Variants in ANTXR2 observed in about 807,000 individuals in gnomAD.
ANTXR2 encodes the protein anthrax toxin receptor 2.
A neutral mutation model predicts 73.7 loss-of-function variants in ANTXR2; 44 were observed. The observed-to-expected ratio is 0.60, with a 90% confidence interval of 0.47 to 0.77. The LOEUF (loss-of-function observed/expected upper bound fraction) is 0.77. Among genes scored for constraint, ANTXR2 ranks in the 30% least tolerant of loss-of-function variants. The pLI is 0.00. For synonymous variants in ANTXR2, 217 were observed against 205.9 expected, an observed-to-expected ratio of 1.05 and a Z score of -0.46; for missense variants, 604 against 592.5, an observed-to-expected ratio of 1.02 and a Z score of -0.20.
chr4:80,018,758 C>A, intron 11 of ANTXR2, 140 bp downstream of exon 11: 1 of 683,792 alleles, frequency 1.5e-6, no homozygotes, highest in South Asian at 2.4e-5. Flanking sequence ...GAATTCTATA[C>A]AAAATTTTTC....
chr4:80,027,294 A>C (rs1732489013), intron 10 of ANTXR2, among the ~76,000 whole-genome samples: 1 of 152,176 alleles, frequency 6.6e-6, no homozygotes. Flanking sequence ...GAATTTATCT[A>C]ATCAAGAAAG....
chr4:79,929,499 G>A (rs1194537066), intron 16 of ANTXR2, among the ~76,000 whole-genome samples: 4 of 152,122 alleles, frequency 2.6e-5, no homozygotes, highest in East Asian at 1.9e-4. Flanking sequence ...GCAACAGAGC[G>A]AGACTCAGTA....
rs781341790 is a variant in ANTXR2 at position 80,033,516 on chromosome 4, C to G, written c.752G>C (p.Gly251Ala). Residue 251 changes from glycine (G) to alanine (A), a missense_variant, in exon 9 of 17, where the codon GGC becomes GCC. By Grantham distance (60) the Gly-to-Ala change is moderately conservative. Coordinates refer to ENST00000403729, the MANE Select transcript of ANTXR2 (RefSeq NM_058172.6). ...GRGFMLGSRN[G>A]SVLCTYTVNE... ...TACAGTGTAAGTGCAGAGAACACTGCCATTCCGACTGCCCAGCATGAATCC... is the reference window on the plus strand; with the variant it reads ...TACAGTGTAAGTGCAGAGAACACTGGCATTCCGACTGCCCAGCATGAATCC... The G allele has an allele frequency of 6.9e-6, 11 of 1,599,760 alleles. No homozygotes were observed. The highest frequency in any genetic ancestry group is 9.4e-6 in the Non-Finnish European group (11 of 1,174,820).
chr4:79,996,318 T>TATGGATGGATGG (rs141810972), intron 12 of ANTXR2, among the ~76,000 whole-genome samples: 5,640 of 148,838 alleles, frequency 0.038, 138 homozygotes, highest in East Asian at 0.059. Flanking sequence ...CGGATGGATA[T>TATGGATGGATGG]ATGGATGGAT....
rs1726830671 is a variant in ANTXR2, at chr4:79,904,475, G to T, written c.*2954C>A. ...TTAAAATAGAATTAACTTAGGGAAA[G>T]GCATCAGTGCTGCAACTCTTAGCAC... On this transcript the variant is annotated 3_prime_UTR_variant, in exon 17 of 17. Transcript: ENST00000403729. 6.6e-6 allele frequency: 1 copy of T among 152,082 alleles called. No homozygotes were observed. Among genetic ancestry groups the T allele is most frequent in the African/African-American group, 2.4e-5 (1 of 41,446 alleles). 9.4% of individuals were successfully genotyped at this position (152,082 alleles called of 1,614,324 possible).
chr4:80,063,925 G>A (rs921730119), intron 3 of ANTXR2, among the ~76,000 whole-genome samples: 13 of 151,934 alleles, frequency 8.6e-5, no homozygotes, highest in African/African-American at 3.1e-4. Context: ...TATTTCAGTA[G>A]GACATAGTCC....
chr4:79,998,199 A>G (rs1048844566), intron 12 of ANTXR2, among the ~76,000 whole-genome samples: 2 of 151,992 alleles, frequency 1.3e-5, no homozygotes, highest in African/African-American at 2.4e-5. Context: ...ACTAACTTAT[A>G]GGCAAATTGG....
Position 80,072,779 on chromosome 4 carries a change from G to A in ANTXR2, c.-219C>T. ...AGTCTCCGCCACCGCCGCAGCTGCC[G>A]CCGGAACTCTTGACGAATCCCAGTG... On this transcript the variant is annotated 5_prime_UTR_variant, in exon 1 of 17. Coordinates refer to ENST00000403729, the MANE Select transcript of ANTXR2 (RefSeq NM_058172.6). 2 of 1,216,206 alleles carry A rather than the reference G, an allele frequency of 1.6e-6. No individual in the cohort carries two copies. The highest frequency in any genetic ancestry group is 5.4e-5 in the South Asian group (2 of 36,936). The allele number at this position is 1,216,206 out of a possible 1,614,324, so 75.3% of individuals were successfully genotyped here. A position where few individuals can be genotyped will look rare whatever the true frequency, so the allele number is the denominator to read the frequency against.
intron 16 of ANTXR2, among the ~76,000 whole-genome samples, chr4:79,920,630 AAAGGCAG>A (rs1299705999): frequency 1.3e-5 from 2 of 152,100 alleles, no homozygotes; most frequent in African/African-American, 4.8e-5. Flanking sequence ...TATCTGTGGA[AAAGGCAG>A]ACAGATAATG....
intron 16 of ANTXR2, among the ~76,000 whole-genome samples, chr4:79,956,417 A>G (rs1193462941): frequency 6.6e-6 from 1 of 152,104 alleles, no homozygotes; most frequent in Non-Finnish European, 1.5e-5. Context: ...GTAAAATGAC[A>G]GCATGGAATA....
At chr4:79,959,558 T>G (rs1430279786) in intron 16 of ANTXR2, among the ~76,000 whole-genome samples, 1 of 152,206 alleles carries the variant, frequency 6.6e-6, no homozygotes, top group African/African-American at 2.4e-5. Context: ...TCTGATGGCA[T>G]AGGAGACTGT....
rs1287852211 is a variant in ANTXR2 at position 80,008,514 on chromosome 4, TACTC to T, written c.1041+3_1041+6del. 2.5e-6 allele frequency: 4 copies of T among 1,598,430 alleles called. No individual in the cohort carries two copies. In the African/African-American group the frequency reaches 4.0e-5, roughly 16 times the overall value. Reference sequence around the variant, plus strand: ...TTTAAGTAGAGTTGTAAATCCTTCTTACTCACCACTTTGCAGCAAAGGGGCCAAA... The same window carrying T: ...TTTAAGTAGAGTTGTAAATCCTTCTTACCACTTTGCAGCAAAGGGGCCAAA... On this transcript the variant is annotated splice_donor_5th_base_variant and intron_variant, in intron 12 of 16. Transcript: ENST00000403729.
At chr4:79,924,863 A>T (rs902631430) in intron 16 of ANTXR2, among the ~76,000 whole-genome samples, 2 of 152,190 alleles carry the variant, frequency 1.3e-5, no homozygotes, top group African/African-American at 4.8e-5. Flanking sequence ...CCTAGTGTTC[A>T]TGTATCAGTA....
intron 16 of ANTXR2, among the ~76,000 whole-genome samples, chr4:79,926,979 G>GTGCATATATGTGTATATATACACA (rs1297326048): frequency 0.36 from 13,815 of 38,638 alleles, 1,841 homozygotes; most frequent in African/African-American, 0.43. Context: ...GTATATATAC[G>GTGCATATATGTGTATATATACACA]TGTGCATATA....
chr4:80,001,050 A>C (rs1731005673), intron 12 of ANTXR2, among the ~76,000 whole-genome samples: 1 of 152,130 alleles, frequency 6.6e-6, no homozygotes, highest in Non-Finnish European at 1.5e-5. Flanking sequence ...TAAGATTGTA[A>C]GTAAATTCTA....
chr4:80,031,764 C>G (rs962744192), intron 9 of ANTXR2, 72 bp from the exon 10 acceptor site: 3 of 847,968 alleles, frequency 3.5e-6, no homozygotes, highest in Non-Finnish European at 5.0e-6. Context: ...ATAATATGAA[C>G]AGCATGCTTC....
chr4:79,984,718 G>A (rs74747458), intron 13 of ANTXR2, 101 bp downstream of exon 13: 1 of 970,414 alleles, frequency 1.0e-6, no homozygotes, highest in Non-Finnish European at 1.6e-6. Flanking sequence ...CAGTACATAG[G>A]TATCATAGTT....
intron 11 of ANTXR2, among the ~76,000 whole-genome samples, chr4:80,011,281 ATCT>A (rs1731564762): frequency 1.4e-5 from 1 of 70,866 alleles, no homozygotes; most frequent in Non-Finnish European, 4.7e-5. Flanking sequence ...CTATCTATCT[ATCT>A]ATCTATCTAT....
intron 16 of ANTXR2, among the ~76,000 whole-genome samples, chr4:79,909,606 A>G (rs1311562260): frequency 6.6e-6 from 1 of 151,970 alleles, no homozygotes; most frequent in Admixed American, 6.6e-5. Flanking sequence ...GGTATTAAGT[A>G]TCAATTATCA....
Sources: allele counts gnomAD v4.1 joint callset (sites outside exome capture counted in the v4.1 genomes callset), GRCh38; gene constraint gnomAD v4.1.1; transcripts MANE v1.5; gene names NCBI Gene and HGNC (gene_info 2026-07-23, HGNC 2026-07-21).